Variants in SPDYE18 observed in about 807,000 individuals in gnomAD.
SPDYE18 encodes speedy/RINGO cell cycle regulator family member E18.
SPDYE18 carries 6 observed loss-of-function variants against 44.9 expected under a neutral mutation model. That is an observed-to-expected ratio of 0.13 (90% confidence interval 0.07 to 0.26). SPDYE18 has a LOEUF of 0.26. Among genes scored for constraint, SPDYE18 ranks in the 10% least tolerant of loss-of-function variants. The probability of loss-of-function intolerance (pLI) is 1.00; values close to 1 mark genes in which losing one functional copy is unlikely to be tolerated. For missense variants in SPDYE18, 121 were observed against 463.2 expected (o/e 0.26, Z 6.78); for synonymous variants, 35 against 177.1 (o/e 0.20, Z 6.37).
In SPDYE18 at chr7:77,051,844, C is replaced by T. The variant is rs1789805726; in HGVS notation, c.*81G>A. 2.6e-5 allele frequency among the ~76,000 whole-genome samples: 4 copies of T among 151,994 alleles called. No homozygotes were observed. The South Asian group carries it at 8.3e-4, about 32-fold the overall frequency. ...TGCCATTAGCATTGGAATAAAGTTC[C>T]TGCTGAAAATCCACATCTCCCCTGG... On this transcript the variant is annotated 3_prime_UTR_variant, in exon 9 of 9. Coordinates refer to ENST00000510091, the MANE Select transcript of SPDYE18 (RefSeq NM_001394953.1).
Position 77,060,342 on chromosome 7 carries a change from A to G in SPDYE18, c.160+11T>C, listed in dbSNP as rs200178129. 1.5e-5 allele frequency: 23 copies of G among 1,535,048 alleles called. 1 individual carries two copies. The highest frequency in any genetic ancestry group is 1.9e-5 in the Non-Finnish European group (22 of 1,146,772). Reference sequence around the variant, plus strand: ...ACCCTATCCCACCTCTTCTTCCACCAGTCCCCTCACCTGATGGTCCCAACA... The same window carrying G: ...ACCCTATCCCACCTCTTCTTCCACCGGTCCCCTCACCTGATGGTCCCAACA... On this transcript the variant is annotated intron_variant, in intron 2 of 8. Transcript: ENST00000510091.
chr7:77,051,870 G>T lies in SPDYE18; in HGVS notation c.*55C>A, dbSNP rs1789806338. Among the ~76,000 whole-genome samples, 2 of 151,518 alleles carry T rather than the reference G, an allele frequency of 1.3e-5. No individual in the cohort carries two copies. The highest frequency in any genetic ancestry group is 1.9e-4 in the East Asian group (1 of 5,166). On this transcript the variant is annotated 3_prime_UTR_variant, in exon 9 of 9. Transcript: ENST00000510091. ...TGCTGAAAATCCACATCTCCCCTGG[G>T]TCCGGTGTTCTGGAAGTGAGAGAGA...
At chr7:77,062,093 G>T (rs2117329440) in intron 1 of SPDYE18, among the ~76,000 whole-genome samples, 1 of 138,752 alleles carries the variant, frequency 7.2e-6, no homozygotes, top group African/African-American at 2.6e-5. Flanking sequence ...GCACCATTGT[G>T]CTCCAGCCTG....
Position 77,050,679 on chromosome 7 carries a change from C to G in SPDYE18, c.*1246G>C, listed in dbSNP as rs1789771901. Among the ~76,000 whole-genome samples the G allele has an allele frequency of 3.9e-5, 6 of 152,162 alleles. No homozygotes were observed. The South Asian group carries it at 1.2e-3, about 32-fold the overall frequency. On this transcript the variant is annotated 3_prime_UTR_variant, in exon 9 of 9. Transcript: ENST00000510091. ...TTAACTAAGTATCACAGATAAAAAC[C>G]ATGCTCCCTTCAGCAGCACGTGTAA...
intron 5 of SPDYE18, 23 bp downstream of exon 5, chr7:77,056,527 A>G (rs1789924403): frequency 1.3e-6 from 1 of 784,202 alleles, no homozygotes; most frequent in East Asian, 4.3e-5. Context: ...GAACAGGAAC[A>G]GTTACATGGA....
At chr7:77,057,520 C>T (rs1789945627) in intron 4 of SPDYE18, 117 bp downstream of exon 4, 2 of 589,650 alleles carry the variant, frequency 3.4e-6, no homozygotes, top group Non-Finnish European at 6.0e-6. Context: ...ACATTCCTCC[C>T]ACATGGAGAG....
intron 8 of SPDYE18, among the ~76,000 whole-genome samples, chr7:77,052,362 CAAA>C: frequency 6.6e-6 from 1 of 152,260 alleles, no homozygotes; most frequent in Middle Eastern, 3.4e-3. Context: ...AGATGTAAAC[CAAA>C]GCTTCACTGA....
chr7:77,054,925 G>A (rs1424197191), intron 6 of SPDYE18, among the ~76,000 whole-genome samples: 3 of 152,256 alleles, frequency 2.0e-5, no homozygotes, highest in East Asian at 1.9e-4. Flanking sequence ...ACACCACCAC[G>A]CCCAGCTAAT....
At chr7:77,052,686 A>C (rs1342039226) in intron 8 of SPDYE18, 47 bp downstream of exon 8, 1 of 1,589,858 alleles carries the variant, frequency 6.3e-7, no homozygotes, top group Non-Finnish European at 8.5e-7. Context: ...CGGATTTCCA[A>C]AATAGACCCC....
chr7:77,053,921 G>T (rs920264361), intron 6 of SPDYE18, among the ~76,000 whole-genome samples: 2 of 146,694 alleles, frequency 1.4e-5, no homozygotes, highest in African/African-American at 4.9e-5. Flanking sequence ...GAGGTGGGAG[G>T]ATCGCTTGAG....
At chr7:77,054,916 C>T (rs1416377324) in intron 6 of SPDYE18, among the ~76,000 whole-genome samples, 3 of 152,226 alleles carry the variant, frequency 2.0e-5, no homozygotes, top group Non-Finnish European at 2.9e-5. Flanking sequence ...TACAGATGCA[C>T]ACCACCACGC....
chr7:77,054,635 C>G (rs1460127278), intron 6 of SPDYE18, among the ~76,000 whole-genome samples: 1 of 152,250 alleles, frequency 6.6e-6, no homozygotes, highest in Non-Finnish European at 1.5e-5. Flanking sequence ...AGAGAAGAAC[C>G]AGAAACGTCT....
rs528558173 is a variant in SPDYE18 at position 77,051,450 on chromosome 7, A to C, written c.*475T>G. ...TAAAATGCAGAGTGTGCATGAAGCT[A>C]TCTGTTACAATCTGTGGCACTGATA... On this transcript the variant is annotated 3_prime_UTR_variant, in exon 9 of 9. Transcript: ENST00000510091. 1.0e-4 allele frequency among the ~76,000 whole-genome samples: 16 copies of C among 152,394 alleles called. No homozygotes were observed. Among genetic ancestry groups the C allele is most frequent in the African/African-American group, 3.6e-4 (15 of 41,596 alleles).
Position 77,060,404 on chromosome 7 carries a change from A to T in SPDYE18, c.109T>A (p.Ser37Thr). The T allele has an allele frequency of 6.5e-7, 1 of 1,535,424 alleles. No individual in the cohort carries two copies. The highest frequency in any genetic ancestry group is 8.7e-7 in the Non-Finnish European group (1 of 1,146,894). Reference protein sequence around the residue: ...QNEQSLQRSTSGYPLQEVVDD... With the variant: ...QNEQSLQRSTTGYPLQEVVDD... ...ACCACCTCCTGGAGGGGGTACCCCG[A>T]GGTGCTCCGCTGGAGACTCTGCTCA... Residue 37 changes from serine (S) to threonine (T), a missense_variant, in exon 2 of 9, where the codon TCG (serine) becomes ACG (threonine). Ser to Thr is a moderately conservative substitution (Grantham distance 58). Transcript: ENST00000510091.
chr7:77,053,535 C>G (rs1456284578), intron 6 of SPDYE18, among the ~76,000 whole-genome samples: 1 of 152,260 alleles, frequency 6.6e-6, no homozygotes, highest in African/African-American at 2.4e-5. Context: ...AGACCCTCGT[C>G]TCTATTAAAA....
rs1221516570 is a variant in SPDYE18 at position 77,051,453 on chromosome 7, T to C, written c.*472A>G. ...AATGCAGAGTGTGCATGAAGCTATC[T>C]GTTACAATCTGTGGCACTGATATTT... On this transcript the variant is annotated 3_prime_UTR_variant, in exon 9 of 9. Transcript: ENST00000510091. Among the ~76,000 whole-genome samples the C allele has an allele frequency of 6.6e-6, 1 of 152,272 alleles. No individual in the cohort carries two copies. Among genetic ancestry groups the C allele is most frequent in the African/African-American group, 2.4e-5 (1 of 41,480 alleles).
rs879105883 is a variant in SPDYE18 at position 77,053,172 on chromosome 7, C to G, written c.787G>C (p.Glu263Gln). Residue 263 changes from glutamate (E) to glutamine (Q), a missense_variant, in exon 7 of 9, where the codon GAG becomes CAG. By Grantham distance (29) the Glu-to-Gln change is conservative. Transcript: ENST00000510091. ...TAGAAGATGTTTTGTTTGGGGTCCT[C>G]GTCGTCCTCCTCCATGTCATTGGCC... ...YLANDMEEDD[E>Q]DPKQNIFYFL... The G allele has an allele frequency of 2.5e-5, 41 of 1,613,696 alleles. 1 individual carries two copies. In the South Asian group the frequency reaches 4.5e-4, roughly 18 times the overall value.
At chr7:77,060,083 C>T (rs1789997045) in intron 2 of SPDYE18, among the ~76,000 whole-genome samples, 1 of 139,860 alleles carries the variant, frequency 7.2e-6, no homozygotes, top group Non-Finnish European at 1.5e-5. Context: ...GCAACCTCTT[C>T]CTCCCAGTCT....
chr7:77,050,761 A>C lies in SPDYE18; in HGVS notation c.*1164T>G, dbSNP rs2117307363. On this transcript the variant is annotated 3_prime_UTR_variant, in exon 9 of 9. Coordinates refer to ENST00000510091, the MANE Select transcript of SPDYE18 (RefSeq NM_001394953.1). ...TTAGGATGAAAAGAATCCTCTCTTA[A>C]AAAGGAAAACAAAATTATATGTATG... Among the ~76,000 whole-genome samples, 1 of 152,180 alleles carries C rather than the reference A, an allele frequency of 6.6e-6. No homozygotes were observed. The highest frequency in any genetic ancestry group is 6.5e-5 in the Admixed American group (1 of 15,276).
Sources: gnomAD v4.1 joint callset for allele counts (sites outside exome capture counted in the v4.1 genomes callset) on GRCh38, gnomAD v4.1.1 for gene constraint, MANE v1.5 for transcripts, NCBI Gene and HGNC (gene_info 2026-07-23, HGNC 2026-07-21) for gene names.